CROT: variants seen among roughly 807,000 people sequenced by gnomAD.
The protein encoded by CROT is carnitine O-octanoyltransferase, also known as peroxisomal carnitine O-octanoyltransferase.
In CROT, 84 loss-of-function variants were observed where a neutral mutation model predicts 89.2. The observed-to-expected ratio is 0.94, with a 90% CI of 0.79 to 1.13. CROT has a LOEUF of 1.13. Ranked by LOEUF, CROT falls within the 50% of genes most tolerant of loss-of-function variation. The pLI is 0.00. For missense variants in CROT, 711 were observed against 727.8 expected, an observed-to-expected ratio of 0.98 and a Z score of 0.27; for synonymous variants, 212 against 239.5, an observed-to-expected ratio of 0.89 and a Z score of 1.06.
intron 13 of CROT, among the ~76,000 whole-genome samples, chr7:87,385,818 CAT>C (rs1807167078): frequency 6.6e-6 from 1 of 152,124 alleles, no homozygotes; most frequent in Admixed American, 6.6e-5. Context: ...CTGGATTTGT[CAT>C]ATGTGGCTTT....
intron 1 of CROT, 58 bp downstream of exon 1, chr7:87,345,825 A>C (rs990590498): frequency 2.1e-5 from 4 of 186,224 alleles, no homozygotes; most frequent in African/African-American, 1.2e-4. Context: ...GGCGGGGGAA[A>C]GTTAAGTCGT....
chr7:87,361,643 T>C (rs1280129645), intron 5 of CROT, 72 bp downstream of exon 5: 7 of 1,528,660 alleles, frequency 4.6e-6, no homozygotes, highest in Middle Eastern at 1.9e-4. Context: ...GAAGCTTAAT[T>C]TACTTATTTG....
rs1223252893 is a variant in CROT, at chr7:87,365,622, CT to C, written c.548-3738del. 2.0e-3 allele frequency among the ~76,000 whole-genome samples: 259 copies of C among 128,390 alleles called. 1 individual carries two copies. The highest frequency in any genetic ancestry group is 3.9e-3 in the East Asian group (18 of 4,568). 84.2% of individuals were successfully genotyped at this position (128,390 alleles called of 152,430 possible). ...AACTAGTTTTTTGTTTTTTGTTTGTCTTTTTTTTTTTTTTTTGGTCTGTCAC... is the reference window on the plus strand; with the variant it reads ...AACTAGTTTTTTGTTTTTTGTTTGTCTTTTTTTTTTTTTTTGGTCTGTCAC... On this transcript the variant is annotated intron_variant, in intron 6 of 17. Coordinates refer to ENST00000331536, the MANE Select transcript of CROT (RefSeq NM_021151.4).
At chr7:87,366,207 A>G (rs1053711519) in intron 6 of CROT, among the ~76,000 whole-genome samples, 2 of 152,064 alleles carry the variant, frequency 1.3e-5, no homozygotes, top group African/African-American at 4.8e-5. Context: ...TTATTCATTA[A>G]GCTTACTACT....
intron 6 of CROT, among the ~76,000 whole-genome samples, chr7:87,366,220 C>G (rs915110059): frequency 2.0e-5 from 3 of 151,750 alleles, no homozygotes; most frequent in Non-Finnish European, 4.4e-5. Flanking sequence ...TTACTACTTC[C>G]CCTGTACCCT....
chr7:87,357,653 G>C, intron 3 of CROT: 1 of 726,834 alleles, frequency 1.4e-6, no homozygotes, highest in Non-Finnish European at 2.4e-6. Context: ...GCGGAGTAGA[G>C]CGTCCTCAGA....
At chr7:87,357,418 G>A in intron 3 of CROT, 1 of 1,525,942 alleles carries the variant, frequency 6.6e-7, no homozygotes, top group Non-Finnish European at 8.9e-7. Flanking sequence ...AGGATGCCAA[G>A]ACAGACCCCA....
rs745496490 is a variant in CROT, at chr7:87,392,753, C to G, written c.1528C>G (p.Leu510Val). The G allele has an allele frequency of 6.2e-7, 1 of 1,613,620 alleles. No individual in the cohort carries two copies. Among genetic ancestry groups the G allele is most frequent in the South Asian group, 1.1e-5 (1 of 91,020 alleles). ...AGGATTTGATCGTCACCTTTTAGGT[C>G]TCTTACTCATAGCAAAAGAGGAAGG... ...GKGFDRHLLG[L>V]LLIAKEEGLP... Residue 510 changes from leucine to valine, a missense_variant, in exon 16 of 18, where the codon CTC (leucine) becomes GTC (valine). Physicochemically the swap from Leu to Val is conservative, Grantham distance 32. Transcript: ENST00000331536.
chr7:87,347,507 A>T (rs562070125), intron 2 of CROT, among the ~76,000 whole-genome samples: 149 of 152,346 alleles, frequency 9.8e-4, no homozygotes, highest in South Asian at 3.7e-3. Context: ...CATTTCCATT[A>T]GGTACAAACC....
At chr7:87,369,305 A>G (rs980822686) in intron 6 of CROT, 71 bp from the exon 7 acceptor site, 22 of 940,170 alleles carry the variant, frequency 2.3e-5, no homozygotes, top group East Asian at 7.4e-5. Flanking sequence ...CTTTTCTTCT[A>G]TTGGATATAT....
chr7:87,370,380 G>T (rs1806594224), intron 7 of CROT, among the ~76,000 whole-genome samples: 3 of 152,018 alleles, frequency 2.0e-5, no homozygotes, highest in Admixed American at 2.0e-4. Flanking sequence ...ATGAGGTTTT[G>T]CCGTGTTGGC....
Position 87,399,511 on chromosome 7 carries a change from A to T in CROT, c.*867A>T, listed in dbSNP as rs906884108. ...AAAGAGAAAAATAACTCTTTTGAAC[A>T]AACAGACAAATTAGCTAGTAGTATG... On this transcript the variant is annotated 3_prime_UTR_variant, in exon 18 of 18. Transcript: ENST00000331536. The T allele has an allele frequency of 6.6e-6, 1 of 152,246 alleles. No homozygotes were observed. Among genetic ancestry groups the T allele is most frequent in the African/African-American group, 2.4e-5 (1 of 41,452 alleles). The allele number at this position is 152,246 out of a possible 1,614,324, so 9.4% of individuals were successfully genotyped here. A position where few individuals can be genotyped will look rare whatever the true frequency, so the allele number is the denominator to read the frequency against.
chr7:87,395,270 G>GT (rs35015515), intron 17 of CROT, among the ~76,000 whole-genome samples: 104,913 of 151,896 alleles, frequency 0.69, 38,200 homozygotes, highest in Middle Eastern at 0.83. Flanking sequence ...GTCTTTTCAG[G>GT]TTTTTCTGCC....
chr7:87,398,434 A>G lies in CROT; in HGVS notation c.1719-90A>G, dbSNP rs957033482. On this transcript the variant is annotated intron_variant, in intron 17 of 17. Transcript: ENST00000331536. Reference sequence around the variant, plus strand: ...AGCAAGACTTCACATTTCATGTATGAATATCCAGATGAAATAAAGTCCTGG... The same window carrying G: ...AGCAAGACTTCACATTTCATGTATGGATATCCAGATGAAATAAAGTCCTGG... 5.5e-6 allele frequency: 8 copies of G among 1,446,542 alleles called. No individual in the cohort carries two copies. The African/African-American group carries it at 8.4e-5, about 15-fold the overall frequency. 89.6% of individuals were successfully genotyped at this position (1,446,542 alleles called of 1,614,324 possible).
intron 6 of CROT, among the ~76,000 whole-genome samples, chr7:87,366,950 GCCTTTCGCTCT>G (rs1806466750): frequency 6.6e-6 from 1 of 152,150 alleles, no homozygotes; most frequent in Admixed American, 6.5e-5. Flanking sequence ...ACTGTTTTAT[GCCTTTCGCTCT>G]CCTTCTTGTT....
At chr7:87,349,337 G>T (rs1264323862) in intron 3 of CROT, among the ~76,000 whole-genome samples, 154 bp downstream of exon 3, 1 of 152,116 alleles carries the variant, frequency 6.6e-6, no homozygotes, top group Non-Finnish European at 1.5e-5. Context: ...GTTGCAGAGT[G>T]CAGTGAGAAG....
chr7:87,348,063 C>T (rs1423027646), intron 2 of CROT, among the ~76,000 whole-genome samples: 2 of 152,100 alleles, frequency 1.3e-5, no homozygotes, highest in Non-Finnish European at 2.9e-5. Flanking sequence ...GATTCTGTAA[C>T]CTATGAGTGG....
chr7:87,374,831 C>T (rs897793685), intron 7 of CROT, among the ~76,000 whole-genome samples: 2 of 151,962 alleles, frequency 1.3e-5, no homozygotes, highest in Admixed American at 6.6e-5. Flanking sequence ...CTACTAGTAG[C>T]ATTTTTTGAC....
At chr7:87,371,300 T>G (rs1426992429) in intron 7 of CROT, among the ~76,000 whole-genome samples, 1 of 152,218 alleles carries the variant, frequency 6.6e-6, no homozygotes, top group Non-Finnish European at 1.5e-5. Flanking sequence ...AATAGTGTTA[T>G]TTTTATAGTT....
Sources: allele counts gnomAD v4.1 joint callset (sites outside exome capture counted in the v4.1 genomes callset), GRCh38; gene constraint gnomAD v4.1.1; transcripts MANE v1.5; gene names NCBI Gene and HGNC (gene_info 2026-07-23, HGNC 2026-07-21).